SLC13A4: variants seen among roughly 807,000 people sequenced by gnomAD.
The protein encoded by SLC13A4 is solute carrier family 13 member 4.
SLC13A4 carries 28 observed loss-of-function variants against 72.7 expected under a neutral mutation model. The observed-to-expected ratio is 0.39, with a 90% CI of 0.29 to 0.53. The LOEUF is 0.53. SLC13A4 is among the 20% of genes least tolerant of loss of function. SLC13A4 has a pLI of 0.78. For missense variants in SLC13A4, 653 were observed against 788.0 expected (o/e 0.83, Z 2.05); for synonymous variants, 312 against 325.5 (o/e 0.96, Z 0.45).
At chr7:135,722,105 G>A (rs1796561445) in intron 1 of SLC13A4, among the ~76,000 whole-genome samples, 1 of 152,166 alleles carries the variant, frequency 6.6e-6, no homozygotes, top group Admixed American at 6.5e-5. Context: ...TTAGCCAGGT[G>A]TGGTGGCACA....
In SLC13A4 at chr7:135,695,415, C is replaced by T; in HGVS notation, c.972G>A (p.Met324Ile). 6.2e-7 allele frequency: 1 copy of T among 1,614,200 alleles called. No homozygotes were observed. The highest frequency in any genetic ancestry group is 2.2e-5 in the East Asian group (1 of 44,890). Residue 324 changes from methionine (M) to isoleucine (I), a missense_variant, in exon 9 of 16, where the codon ATG (methionine) becomes ATA (isoleucine). Transcript: ENST00000682651. ...GCATCCAGAACCAGCTGACCACCAG[C>T]ATGATGAGGGATATGGGGAAGCTGA... ...FLFSFPISLI[M>I]LVVSWFWMHW...
intron 2 of SLC13A4, among the ~76,000 whole-genome samples, chr7:135,713,469 T>G (rs1796349592): frequency 6.6e-6 from 1 of 152,184 alleles, no homozygotes; most frequent in African/African-American, 2.4e-5. Context: ...TGTCACCAAT[T>G]TTTTAAGGGC....
At chr7:135,717,043 CCACCGTACATTAG>C (rs1416031468) in intron 2 of SLC13A4, among the ~76,000 whole-genome samples, 5 of 152,336 alleles carry the variant, frequency 3.3e-5, no homozygotes, top group African/African-American at 9.6e-5. Flanking sequence ...TCTCATTCTG[CCACCGTACATTAG>C]CACCGTACAT....
At chr7:135,721,946 G>C (rs930087195) in intron 1 of SLC13A4, among the ~76,000 whole-genome samples, 1 of 152,164 alleles carries the variant, frequency 6.6e-6, no homozygotes, top group Non-Finnish European at 1.5e-5. Flanking sequence ...TTGGAGATAG[G>C]AATCACTATG....
chr7:135,694,343 C>G, intron 9 of SLC13A4, 105 bp from the exon 10 acceptor site: 1 of 700,782 alleles, frequency 1.4e-6, no homozygotes, highest in Non-Finnish European at 2.5e-6. Flanking sequence ...GGTCACTTTT[C>G]TCCTCTTTCA....
At chr7:135,710,214 T>C (rs1352637724) in intron 2 of SLC13A4, among the ~76,000 whole-genome samples, 1 of 152,210 alleles carries the variant, frequency 6.6e-6, no homozygotes, top group Admixed American at 6.5e-5. Context: ...AAATAATATG[T>C]ACATGATCAT....
chr7:135,708,046 C>T, intron 3 of SLC13A4, 68 bp downstream of exon 3: 1 of 1,572,004 alleles, frequency 6.4e-7, no homozygotes, highest in Non-Finnish European at 8.7e-7. Context: ...GACCTGAGAC[C>T]ACTGTCCTGG....
intron 5 of SLC13A4, chr7:135,704,141 G>C (rs979385213): frequency 6.6e-6 from 1 of 152,332 alleles, no homozygotes; most frequent in Non-Finnish European, 1.5e-5. Context: ...CCACAGTGAG[G>C]ATGGCCTTTT....
At chr7:135,710,350 C>T (rs986294272) in intron 2 of SLC13A4, among the ~76,000 whole-genome samples, 1 of 152,118 alleles carries the variant, frequency 6.6e-6, no homozygotes, top group East Asian at 1.9e-4. Context: ...AAGCCGAGAT[C>T]GCGCCACTGC....
chr7:135,719,770 C>G (rs563393623), intron 2 of SLC13A4, among the ~76,000 whole-genome samples: 5 of 142,954 alleles, frequency 3.5e-5, no homozygotes, highest in Non-Finnish European at 6.1e-5. Context: ...GCTATGGCTA[C>G]TCAATGCCAC....
intron 15 of SLC13A4, among the ~76,000 whole-genome samples, 164 bp downstream of exon 15, chr7:135,683,960 C>G (rs530986568): frequency 6.6e-6 from 1 of 152,284 alleles, no homozygotes; most frequent in African/African-American, 2.4e-5. Flanking sequence ...TGCTTATAGA[C>G]CAACAAAAAC....
chr7:135,702,054 A>G (rs1031344184), intron 6 of SLC13A4: 6 of 233,170 alleles, frequency 2.6e-5, no homozygotes, highest in Non-Finnish European at 4.8e-5. Context: ...CCCTTTATAT[A>G]TAAGATGAAA....
intron 5 of SLC13A4, 82 bp from the exon 6 acceptor site, chr7:135,702,966 G>A: frequency 1.0e-6 from 1 of 1,003,712 alleles, no homozygotes; most frequent in Non-Finnish European, 1.6e-6. Context: ...CAGGCGTTTG[G>A]TGTAAGGGAC....
chr7:135,711,130 C>CT (rs1385805570), intron 2 of SLC13A4, among the ~76,000 whole-genome samples: 2 of 152,138 alleles, frequency 1.3e-5, no homozygotes, highest in East Asian at 3.9e-4. Flanking sequence ...GTGGAGGCGG[C>CT]TTTGTGGCAC....
chr7:135,693,123 AAAT>A (rs1563158168), intron 10 of SLC13A4: 4 of 151,412 alleles, frequency 2.6e-5, no homozygotes, highest in African/African-American at 9.7e-5. Flanking sequence ...AAAAAAAAAA[AAAT>A]AGTTGGTCAT....
chr7:135,689,895 C>T (rs1256657320), intron 13 of SLC13A4, among the ~76,000 whole-genome samples: 1 of 151,830 alleles, frequency 6.6e-6, no homozygotes, highest in Non-Finnish European at 1.5e-5. Context: ...GAAAAGTGAA[C>T]CAAGCCGGGC....
At position 135,708,917 on chromosome 7, in the gene SLC13A4, ATTTTTTTTTTTT is replaced by A. The variant is rs59407311; in HGVS notation, c.229-679_229-668del. ...TTTCTTTGAGACAGAGTCTTGCTCA[ATTTTTTTTTTTT>A]TTTTTTTTTTTTTTTTGTGAGATGG... On this transcript the variant is annotated intron_variant, in intron 2 of 15. Coordinates refer to ENST00000682651, the MANE Select transcript of SLC13A4 (RefSeq NM_001318192.2). Among the ~76,000 whole-genome samples, 479 of 71,556 alleles carry A rather than the reference ATTTTTTTTTTTT, an allele frequency of 6.7e-3. 1 individual carries two copies. The highest frequency in any genetic ancestry group is 0.024 in the African/African-American group (418 of 17,234). The allele number at this position is 71,556 out of a possible 152,430, so 46.9% of individuals were successfully genotyped here.
At chr7:135,692,146 G>A (rs373741830) in intron 11 of SLC13A4, 177 bp downstream of exon 11, 6 of 614,902 alleles carry the variant, frequency 9.8e-6, no homozygotes, top group East Asian at 2.8e-5. Flanking sequence ...ACCCCAGACC[G>A]GGACTCCAAA....
chr7:135,710,640 C>G (rs1796280256), intron 2 of SLC13A4, among the ~76,000 whole-genome samples: 3 of 152,108 alleles, frequency 2.0e-5, no homozygotes, highest in Non-Finnish European at 4.4e-5. Context: ...TATAAGCGTT[C>G]AGTATTAAAG....
Sources: allele counts gnomAD v4.1 joint callset (sites outside exome capture counted in the v4.1 genomes callset), GRCh38; gene constraint gnomAD v4.1.1; transcripts MANE v1.5; gene names NCBI Gene and HGNC (gene_info 2026-07-23, HGNC 2026-07-21).